Variants in GORAB observed in about 807,000 individuals in gnomAD.
GORAB encodes RAB6-interacting golgin.
GORAB carries 17 observed loss-of-function variants against 29.9 expected under a neutral mutation model. The observed-to-expected ratio is 0.57, with a 90% confidence interval of 0.39 to 0.85. GORAB has a LOEUF of 0.85. Ranked by LOEUF, GORAB falls within the 40% of genes least tolerant of loss-of-function variation. The pLI is 0.00. For missense variants in GORAB, 442 were observed against 437.8 expected (o/e 1.01, Z -0.09); for synonymous variants, 183 against 157.2 (o/e 1.16, Z -1.23).
chr1:170,539,631 T>A, intron 2 of GORAB, 64 bp downstream of exon 2: 1 of 1,507,248 alleles, frequency 6.6e-7, no homozygotes, highest in South Asian at 1.2e-5. Context: ...CCCAATGGGC[T>A]TTAAGGAAAT....
chr1:170,550,737 A>G (rs1033639013), intron 4 of GORAB, among the ~76,000 whole-genome samples: 5 of 152,218 alleles, frequency 3.3e-5, no homozygotes, highest in Non-Finnish European at 7.3e-5. Flanking sequence ...TATTACACTA[A>G]GTTGATGTAG....
At chr1:170,535,745 A>G (rs1649021967) in intron 1 of GORAB, among the ~76,000 whole-genome samples, 1 of 151,290 alleles carries the variant, frequency 6.6e-6, no homozygotes, top group Non-Finnish European at 1.5e-5. Context: ...TTCTGTAGGG[A>G]TAGGATCTTG....
chr1:170,552,019 C>T lies in GORAB; in HGVS notation c.667C>T (p.Arg223Trp), dbSNP rs1181765739. Residue 223 changes from arginine (R) to tryptophan (W), a missense_variant, in exon 5 of 5, where the codon CGG becomes TGG. Physicochemically the swap from Arg to Trp is moderately radical, Grantham distance 101. Transcript: ENST00000367763. ...ASLDYSYARKRFDRAEAEYIA... is the reference protein window; with the variant it reads ...ASLDYSYARKWFDRAEAEYIA... ...TCTTTATACACATCCTTACAGGAAGCGGTTTGACAGGGCTGAAGCAGAGTA... is the reference window on the plus strand; with the variant it reads ...TCTTTATACACATCCTTACAGGAAGTGGTTTGACAGGGCTGAAGCAGAGTA... 13 of 1,613,076 alleles carry T rather than the reference C, an allele frequency of 8.1e-6. No homozygotes were observed. The highest frequency in any genetic ancestry group is 2.7e-5 in the African/African-American group (2 of 74,844).
chr1:170,546,402 G>T (rs1571255493), intron 4 of GORAB, among the ~76,000 whole-genome samples: 1 of 151,028 alleles, frequency 6.6e-6, no homozygotes, highest in Admixed American at 6.6e-5. Context: ...AAAAAAAAAA[G>T]AAAGAAAAGT....
intron 4 of GORAB, among the ~76,000 whole-genome samples, chr1:170,549,626 G>T (rs541179789): frequency 1.3e-5 from 2 of 152,234 alleles, no homozygotes; most frequent in East Asian, 3.9e-4. Context: ...CTCTTGTCTT[G>T]TTGCAAGAAC....
chr1:170,532,452 A>C, intron 1 of GORAB, 168 bp downstream of exon 1: 1 of 720,840 alleles, frequency 1.4e-6, no homozygotes, highest in East Asian at 2.7e-5. Context: ...ACTTACTGGG[A>C]GTCACGACGG....
intron 2 of GORAB, among the ~76,000 whole-genome samples, chr1:170,541,761 T>A (rs1649438896): frequency 6.6e-6 from 1 of 152,156 alleles, no homozygotes; most frequent in Non-Finnish European, 1.5e-5. Context: ...CATCTTTGAA[T>A]TTTTTTCTTT....
At position 170,552,031 on chromosome 1, in the gene GORAB, G is replaced by A. The variant is rs1428165678; in HGVS notation, c.679G>A (p.Ala227Thr). 1 of 1,613,888 alleles carries A rather than the reference G, an allele frequency of 6.2e-7. No individual in the cohort carries two copies. Among genetic ancestry groups the A allele is most frequent in the Admixed American group, 1.7e-5 (1 of 60,020 alleles). ...TCCTTACAGGAAGCGGTTTGACAGGGCTGAAGCAGAGTACATTGCAGCAAA... is the reference window on the plus strand; with the variant it reads ...TCCTTACAGGAAGCGGTTTGACAGGACTGAAGCAGAGTACATTGCAGCAAA... Reference protein sequence around the residue: ...YSYARKRFDRAEAEYIAAKLD... With the variant: ...YSYARKRFDRTEAEYIAAKLD... Residue 227 changes from alanine to threonine, a missense_variant, in exon 5 of 5, where the codon GCT becomes ACT. Ala to Thr is a moderately conservative substitution (Grantham distance 58). Coordinates refer to ENST00000367763, the MANE Select transcript of GORAB (RefSeq NM_152281.3).
At chr1:170,536,326 C>A (rs1256741681) in intron 1 of GORAB, 4 of 151,928 alleles carry the variant, frequency 2.6e-5, no homozygotes, top group Non-Finnish European at 5.9e-5. Flanking sequence ...GAAAAGTCAA[C>A]AAAAGACATG....
chr1:170,537,155 C>T (rs1649112794), intron 1 of GORAB, among the ~76,000 whole-genome samples: 1 of 151,278 alleles, frequency 6.6e-6, no homozygotes, highest in South Asian at 2.1e-4. Context: ...TTCTTTGTCT[C>T]TCTTTCTTTT....
intron 4 of GORAB, among the ~76,000 whole-genome samples, chr1:170,546,354 C>T (rs1467225012): frequency 1.3e-5 from 2 of 151,374 alleles, no homozygotes; most frequent in African/African-American, 4.9e-5. Flanking sequence ...TGCGCCACTG[C>T]ACTCCAGCCT....
In GORAB at chr1:170,553,791, G is replaced by T; in HGVS notation, c.*1329G>T. The T allele has an allele frequency of 2.2e-6, 1 of 453,396 alleles. No individual in the cohort carries two copies. Among genetic ancestry groups the T allele is most frequent in the Non-Finnish European group, 4.4e-6 (1 of 226,616 alleles). 28.1% of individuals were successfully genotyped at this position (453,396 alleles called of 1,614,324 possible). On this transcript the variant is annotated 3_prime_UTR_variant, in exon 5 of 5. Transcript: ENST00000367763. ...ATACATAAAAGCCAACAGTTTCATT[G>T]TCTAACACACTTCTTTTTCTAAGGA...
chr1:170,541,843 T>G (rs1054688194), intron 2 of GORAB, among the ~76,000 whole-genome samples: 3 of 152,140 alleles, frequency 2.0e-5, no homozygotes. Context: ...CTGGGCACAG[T>G]GGCTCACACC....
At position 170,552,351 on chromosome 1, in the gene GORAB, T is replaced by G. The variant is rs756522632; in HGVS notation, c.999T>G (p.Ala333=). 7 of 1,614,134 alleles carry G rather than the reference T, an allele frequency of 4.3e-6. No homozygotes were observed. The highest frequency in any genetic ancestry group is 5.9e-6 in the Non-Finnish European group (7 of 1,179,970). ...AGAACAGAAAGTGTCAAGAACAAGC[T>G]GTTTCCCCAAAGGTAGATGACCAGT... ...AKENRKCQEQ[A]VSPKVDDQCG... is the part of the protein sequence containing the mutation. Residue 333 remains alanine, a synonymous_variant, in exon 5 of 5, where the codon GCT becomes GCG. Coordinates refer to ENST00000367763, the MANE Select transcript of GORAB (RefSeq NM_152281.3).
At chr1:170,534,770 C>T (rs1648950133) in intron 1 of GORAB, among the ~76,000 whole-genome samples, 1 of 152,136 alleles carries the variant, frequency 6.6e-6, no homozygotes, top group African/African-American at 2.4e-5. Flanking sequence ...TGTGTAAATA[C>T]ACTCTCTGAT....
intron 3 of GORAB, 80 bp downstream of exon 3, chr1:170,542,672 CTT>C: frequency 2.1e-6 from 2 of 941,340 alleles, no homozygotes; most frequent in Admixed American, 1.7e-5. Context: ...TCCCATGTCT[CTT>C]TTAATAAACT....
intron 4 of GORAB, among the ~76,000 whole-genome samples, chr1:170,549,027 G>A (rs1040837597): frequency 3.9e-5 from 6 of 152,102 alleles, no homozygotes; most frequent in African/African-American, 1.4e-4. Flanking sequence ...AAAACTAAAA[G>A]TGGACCCGTG....
intron 1 of GORAB, chr1:170,533,484 T>G: frequency 2.3e-6 from 1 of 431,520 alleles, no homozygotes; most frequent in Non-Finnish European, 4.8e-6. Flanking sequence ...CCCTGGCCTC[T>G]GGTCTGACTC....
chr1:170,551,573 A>G (rs767735282), intron 4 of GORAB, among the ~76,000 whole-genome samples: 24 of 152,166 alleles, frequency 1.6e-4, no homozygotes, highest in Admixed American at 1.3e-4. Flanking sequence ...ACCCTGGTTC[A>G]TGTGGATTTT....
Sources: gnomAD v4.1 joint callset for allele counts (sites outside exome capture counted in the v4.1 genomes callset) on GRCh38, gnomAD v4.1.1 for gene constraint, MANE v1.5 for transcripts, NCBI Gene and HGNC (gene_info 2026-07-23, HGNC 2026-07-21) for gene names.